The following DPEP2 variants were observed in gnomAD, a reference collection of about 807,000 sequenced individuals.
DPEP2 encodes the protein dipeptidase 2.
A neutral mutation model predicts 51.8 loss-of-function variants in DPEP2; 45 were observed. The ratio of observed to expected loss-of-function variants is 0.87; its 90% CI spans 0.68 to 1.11. The LOEUF (loss-of-function observed/expected upper bound fraction) is 1.11, where lower values mean the gene tolerates loss of function less well. DPEP2 is among the 50% of genes most tolerant of loss of function. The pLI is 0.00. For synonymous variants in DPEP2, 255 were observed against 262.7 expected (o/e 0.97, Z 0.28); for missense variants, 604 against 631.9 (o/e 0.96, Z 0.47).
chr16:67,993,132 GAGC>G lies in DPEP2; in HGVS notation c.78_80del (p.Leu27del), dbSNP rs746061300. 56 of 1,545,802 alleles carry G rather than the reference GAGC, an allele frequency of 3.6e-5. No individual in the cohort carries two copies. The highest frequency in any genetic ancestry group is 1.7e-4 in the Middle Eastern group (1 of 5,718). ...TGGTGTAGGCACAGGTTACAGGCTG[GAGC>G]AGCAGCAGCAGGAGCAGCAGACTCA... On this transcript the variant is annotated inframe_deletion, in exon 2 of 11. Coordinates refer to ENST00000393847, the MANE Select transcript of DPEP2 (RefSeq NM_022355.4).
rs374612240 is a variant in DPEP2 at position 67,989,347 on chromosome 16, C to T, written c.1046G>A (p.Gly349Asp). ...CTTGCCGGCCCCATCATAATCTCCA[C>T]CAATCCCGATGAACTTGGATCCAAT... The part of the protein sequence containing the change: ...AVIGSKFIGI[G>D]GDYDGAGKFP... Residue 349 changes from glycine to aspartate, a missense_variant, in exon 9 of 11, where the codon GGT becomes GAT. By Grantham distance (94) the Gly-to-Asp change is moderately conservative. Transcript: ENST00000393847. 5.2e-5 allele frequency: 84 copies of T among 1,614,196 alleles called. No homozygotes were observed. Among genetic ancestry groups the T allele is most frequent in the Admixed American group, 1.2e-4 (7 of 60,026 alleles).
At chr16:67,992,813 G>T (rs2032338768) in intron 2 of DPEP2, 137 bp downstream of exon 2, 1 of 1,477,376 alleles carries the variant, frequency 6.8e-7, no homozygotes, top group Non-Finnish European at 9.0e-7. Flanking sequence ...GAGGGGAAAG[G>T]GTACCCATGC....
chr16:67,992,754 A>G, intron 2 of DPEP2, 118 bp from the exon 3 acceptor site: 1 of 1,519,258 alleles, frequency 6.6e-7, no homozygotes. Context: ...GACTATACTG[A>G]GATCCCCTGA....
At chr16:67,997,813 C>T (rs769098317) in intron 1 of DPEP2, among the ~76,000 whole-genome samples, 4 of 152,184 alleles carry the variant, frequency 2.6e-5, no homozygotes, top group Non-Finnish European at 5.9e-5. Flanking sequence ...GAAGTTGAAC[C>T]CAGGATTTGG....
chr16:67,991,240 C>T lies in DPEP2; in HGVS notation c.663-56G>A. ...GTAGCTGTTCCTCGGCCTCAAGAGT[C>T]TAGAGGCCCTACCCACCCTCCATCC... On this transcript the variant is annotated intron_variant, in intron 5 of 10. Coordinates refer to ENST00000393847, the MANE Select transcript of DPEP2 (RefSeq NM_022355.4). This position sits in a 1 kb window ranked among gnomAD's most constrained non-coding sequence, Gnocchi z 5.1. 6.4e-7 allele frequency: 1 copy of T among 1,573,110 alleles called. No individual in the cohort carries two copies.
intron 2 of DPEP2, 59 bp downstream of exon 2, chr16:67,992,891 A>G: frequency 6.4e-7 from 1 of 1,553,356 alleles, no homozygotes; most frequent in Admixed American, 1.8e-5. Flanking sequence ...ATACTCTGGG[A>G]CCCTCCCTTG....
chr16:67,993,470 C>A, intron 1 of DPEP2: 1 of 1,239,156 alleles, frequency 8.1e-7, no homozygotes, highest in East Asian at 3.4e-5. Flanking sequence ...CTGGGCGGAT[C>A]CCTGTCCTGG....
At position 67,987,873 on chromosome 16, in the gene DPEP2, C is replaced by A. The variant is rs139673001; in HGVS notation, c.1185G>T (p.Arg395=). Residue 395 remains arginine (R), a synonymous_variant, in exon 10 of 11, where the codon CGG becomes CGT. Transcript: ENST00000393847. The stretch of plus-strand genomic sequence containing the variant: ...GTACCTTTTCCACTTGTCTGAAGAC[C>A]CGCAGCAGGTTTCCACGAAGGACAC... ...LQGVLRGNLL[R]VFRQVEKVQE... The A allele has an allele frequency of 6.2e-7, 1 of 1,614,186 alleles. No homozygotes were observed. Among genetic ancestry groups the A allele is most frequent in the South Asian group, 1.1e-5 (1 of 91,084 alleles).
upstream of DPEP2, chr16:68,000,344 G>C: frequency 1.4e-6 from 1 of 712,022 alleles, no homozygotes; most frequent in Non-Finnish European, 1.7e-6. Flanking sequence ...CATCTCCAGT[G>C]TATTTCAAGA....
At chr16:67,988,995 G>GAGAAGC (rs1482339921) in intron 9 of DPEP2, among the ~76,000 whole-genome samples, 1 of 152,164 alleles carries the variant, frequency 6.6e-6, no homozygotes, top group Non-Finnish European at 1.5e-5. Context: ...GAAGGAGAAG[G>GAGAAGC]AGAGGAAGAG....
chr16:67,996,438 A>G (rs1014227388), intron 1 of DPEP2, among the ~76,000 whole-genome samples: 1 of 151,620 alleles, frequency 6.6e-6, no homozygotes, highest in Non-Finnish European at 1.5e-5. Flanking sequence ...TTGGCGGGCA[A>G]TGATGTGATC....
rs201396720 is a variant in DPEP2, at chr16:67,990,924, C to T, written c.806G>A (p.Arg269Gln). 3.0e-5 allele frequency: 49 copies of T among 1,614,086 alleles called. No homozygotes were observed. Among genetic ancestry groups the T allele is most frequent in the South Asian group, 5.5e-5 (5 of 91,088 alleles). Residue 269 changes from arginine to glutamine, a missense_variant, in exon 7 of 11, where the codon CGG becomes CAG. Physicochemically the swap from Arg to Gln is conservative, Grantham distance 43. Coordinates refer to ENST00000393847, the MANE Select transcript of DPEP2 (RefSeq NM_022355.4). ...LSHVSDAVAR[R>Q]ALEVSQAPVI... Reference sequence around the variant, plus strand: ...AGGTGCCTGTGACACTTCCAGGGCCCGCCGTGCCACAGCATCTGAGACATG... The same window carrying T: ...AGGTGCCTGTGACACTTCCAGGGCCTGCCGTGCCACAGCATCTGAGACATG...
Position 67,990,925 on chromosome 16 carries a change from G to C in DPEP2, c.805C>G (p.Arg269Gly). 1 of 1,614,236 alleles carries C rather than the reference G, an allele frequency of 6.2e-7. No individual in the cohort carries two copies. Among genetic ancestry groups the C allele is most frequent in the Non-Finnish European group, 8.5e-7 (1 of 1,180,050 alleles). The change falls in exon 7 of 11, where the codon CGG (arginine) becomes GGG (glycine). Residue 269 changes from arginine to glycine, a missense_variant. Transcript: ENST00000393847. ...LSHVSDAVAR[R>G]ALEVSQAPVI... Reference sequence around the variant, plus strand: ...GGTGCCTGTGACACTTCCAGGGCCCGCCGTGCCACAGCATCTGAGACATGG... The same window carrying C: ...GGTGCCTGTGACACTTCCAGGGCCCCCCGTGCCACAGCATCTGAGACATGG...
chr16:67,992,903 C>T (rs749210597), intron 2 of DPEP2, 47 bp downstream of exon 2: 1 of 1,569,318 alleles, frequency 6.4e-7, no homozygotes, highest in Non-Finnish European at 8.7e-7. Context: ...CCTCCCTTGC[C>T]CAGGAGTGTG....
At chr16:67,990,713 C>T (rs2032023673) in intron 7 of DPEP2, 108 bp downstream of exon 7, 1 of 1,300,936 alleles carries the variant, frequency 7.7e-7, no homozygotes. Context: ...ATCAGCCCAC[C>T]TCAGCCTCCC....
In DPEP2 at chr16:67,993,003, C is replaced by A; in HGVS notation, c.210G>T (p.Gln70His). ...GGGCCCGTGCCTGCTCTTGCAGGCCCTGGGTGCTGGGACTACTGAGTGTGG... is the reference window on the plus strand; with the variant it reads ...GGGCCCGTGCCTGCTCTTGCAGGCCATGGGTGCTGGGACTACTGAGTGTGG... ...PSTTLSSPST[Q>H]GLQEQARALM... The change falls in exon 2 of 11, where the codon CAG becomes CAT. Residue 70 changes from glutamine (Q) to histidine (H), a missense_variant. Gln to His is a conservative substitution (Grantham distance 24). Coordinates refer to ENST00000393847, the MANE Select transcript of DPEP2 (RefSeq NM_022355.4). 1 of 1,607,850 alleles carries A rather than the reference C, an allele frequency of 6.2e-7. No homozygotes were observed. The highest frequency in any genetic ancestry group is 8.5e-7 in the Non-Finnish European group (1 of 1,177,146).
rs146119054 is a variant in DPEP2, at chr16:67,990,082, T to G, written c.959A>C (p.Gln320Pro). 9 of 1,614,054 alleles carry G rather than the reference T, an allele frequency of 5.6e-6. No homozygotes were observed. In the African/African-American group the frequency reaches 1.2e-4, roughly 22 times the overall value. Residue 320 changes from glutamine (Q) to proline (P), a missense_variant, in exon 8 of 11, where the codon CAG (glutamine) becomes CCG (proline). Transcript: ENST00000393847. ...GGACACATTGGCTGATGGGTTGCAC[T>G]GTATTACTCCCATGGACAAAGACAC... ...VMVSLSMGVI[Q>P]CNPSANVSTV...
In DPEP2 at chr16:67,987,776, G is replaced by A. The variant is rs750866369; in HGVS notation, c.1207-16C>T. 167 of 1,612,436 alleles carry A rather than the reference G, an allele frequency of 1.0e-4. 1 individual carries two copies. The East Asian group carries it at 3.6e-3, about 34-fold the overall frequency. On this transcript the variant is annotated splice_polypyrimidine_tract_variant and intron_variant, in intron 10 of 10. Coordinates refer to ENST00000393847, the MANE Select transcript of DPEP2 (RefSeq NM_022355.4). Reference sequence around the variant, plus strand: ...CTTCCTGTACCTAGAGGTGGCAGTCGGTGCTCAGCTTCCACAGCTCTCCTT... The same window carrying A: ...CTTCCTGTACCTAGAGGTGGCAGTCAGTGCTCAGCTTCCACAGCTCTCCTT...
chr16:67,998,449 CG>C (rs892850828), intron 1 of DPEP2, among the ~76,000 whole-genome samples: 1 of 152,148 alleles, frequency 6.6e-6, no homozygotes, highest in East Asian at 1.9e-4. Flanking sequence ...GCTGCCTTCC[CG>C]GGGGGGCAGG....
Sources: allele counts gnomAD v4.1 joint callset (sites outside exome capture counted in the v4.1 genomes callset), GRCh38; gene constraint gnomAD v4.1.1; non-coding constraint Gnocchi (gnomAD v3.1); transcripts MANE v1.5; gene names NCBI Gene and HGNC (gene_info 2026-07-23, HGNC 2026-07-21).